Variants in BPTF observed in about 807,000 individuals in gnomAD.
BPTF encodes bromodomain PHD finger transcription factor.
BPTF carries 18 observed loss-of-function variants against 292.5 expected under a neutral mutation model. The observed-to-expected ratio is 0.06, with a 90% CI of 0.04 to 0.09. The LOEUF is 0.09. BPTF is among the 10% of genes least tolerant of loss of function. BPTF has a pLI of 1.00. For missense variants in BPTF, 2,726 were observed against 3,498.7 expected, an observed-to-expected ratio of 0.78 and a Z score of 5.57; for synonymous variants, 1,225 against 1,251.9, an observed-to-expected ratio of 0.98 and a Z score of 0.45.
chr17:67,830,240 C>T (rs570021571), intron 1 of BPTF, among the ~76,000 whole-genome samples: 1 of 152,322 alleles, frequency 6.6e-6, no homozygotes, highest in South Asian at 2.1e-4. Context: ...GTTGCAGTCT[C>T]AGTCTTGTGT....
chr17:67,977,310 T>C (rs1555694493), intron 27 of BPTF, among the ~76,000 whole-genome samples: 1 of 151,166 alleles, frequency 6.6e-6, no homozygotes, highest in African/African-American at 2.4e-5. Flanking sequence ...AGGTCAGCAG[T>C]TCAAGACCAT....
At chr17:67,876,825 AAAAG>A (rs951240533) in intron 4 of BPTF, among the ~76,000 whole-genome samples, 1 of 152,088 alleles carries the variant, frequency 6.6e-6, no homozygotes, top group Non-Finnish European at 1.5e-5. Flanking sequence ...AAAAAAGAGA[AAAAG>A]AAAATATATT....
At chr17:67,935,266 A>T (rs919598033) in intron 18 of BPTF, among the ~76,000 whole-genome samples, 1 of 152,030 alleles carries the variant, frequency 6.6e-6, no homozygotes, top group Admixed American at 6.6e-5. Flanking sequence ...TCTACAAAAA[A>T]TTTCTAAAAA....
chr17:67,975,602 G>T, intron 26 of BPTF, 170 bp from the exon 27 acceptor site: 1 of 533,404 alleles, frequency 1.9e-6, no homozygotes, highest in Non-Finnish European at 3.2e-6. Flanking sequence ...AACAAAATTG[G>T]AAAAGTACTC....
chr17:67,926,815 G>A (rs1017598607), intron 15 of BPTF, among the ~76,000 whole-genome samples: 3 of 151,770 alleles, frequency 2.0e-5, no homozygotes, highest in African/African-American at 7.3e-5. Flanking sequence ...ATAGCTCATT[G>A]CAACTTTGAA....
At chr17:67,977,859 C>A (rs1267455567) in intron 27 of BPTF, 1 of 140,706 alleles carries the variant, frequency 7.1e-6, no homozygotes, top group African/African-American at 2.6e-5. Flanking sequence ...AAAAAAGTAT[C>A]TTTTTTTTTT....
rs937519131 is a variant in BPTF, at chr17:67,894,269, A to G, written c.2543+104A>G. 7 of 1,225,130 alleles carry G rather than the reference A, an allele frequency of 5.7e-6. No individual in the cohort carries two copies. In the East Asian group the frequency reaches 1.4e-4, roughly 25 times the overall value. The allele number at this position is 1,225,130 out of a possible 1,614,324, so 75.9% of individuals were successfully genotyped here. On this transcript the variant is annotated intron_variant, in intron 7 of 27. Transcript: ENST00000306378. Reference sequence around the variant, plus strand: ...ATATATTTAAGAGGCCATATTGAAGACTTTACTTTTGGCCTCATTTTCTTC... The same window carrying G: ...ATATATTTAAGAGGCCATATTGAAGGCTTTACTTTTGGCCTCATTTTCTTC...
At chr17:67,830,503 C>T (rs190204186) in intron 1 of BPTF, among the ~76,000 whole-genome samples, 2 of 152,158 alleles carry the variant, frequency 1.3e-5, no homozygotes, top group African/African-American at 2.4e-5. Flanking sequence ...TTGCTGCATG[C>T]GAGGTACGCA....
intron 13 of BPTF, among the ~76,000 whole-genome samples, chr17:67,922,184 CT>C: frequency 1.3e-5 from 2 of 152,328 alleles, no homozygotes; most frequent in African/African-American, 4.8e-5. Flanking sequence ...AATCACTTCT[CT>C]TTGGCTTGTA....
At chr17:67,968,871 G>A (rs2068439513) in intron 26 of BPTF, among the ~76,000 whole-genome samples, 1 of 151,180 alleles carries the variant, frequency 6.6e-6, no homozygotes, top group Admixed American at 6.6e-5. Flanking sequence ...AATCCTAGCT[G>A]CTCGGGAGGC....
At position 67,866,489 on chromosome 17, in the gene BPTF, G is replaced by C; in HGVS notation, c.1462G>C (p.Glu488Gln). Residue 488 changes from glutamate (E) to glutamine (Q), a missense_variant, in exon 3 of 28, where the codon GAA (glutamate) becomes CAA (glutamine). Transcript: ENST00000306378. ...IIEEDTENEN[E>Q]KKIWYYSTKV... ...AGAAGAAGATACAGAAAATGAAAAT[G>C]AAAAGAAAATTTGGTATTACAGCAC... 1 of 1,612,436 alleles carries C rather than the reference G, an allele frequency of 6.2e-7. No homozygotes were observed. The highest frequency in any genetic ancestry group is 8.5e-7 in the Non-Finnish European group (1 of 1,178,564).
chr17:67,933,443 C>T (rs1055317054), intron 18 of BPTF, among the ~76,000 whole-genome samples: 2 of 151,656 alleles, frequency 1.3e-5, no homozygotes, highest in African/African-American at 2.4e-5. Flanking sequence ...CTGGAGCACG[C>T]CTGTAGTCCC....
At chr17:67,902,310 G>A (rs1354854976) in intron 7 of BPTF, among the ~76,000 whole-genome samples, 4 of 152,098 alleles carry the variant, frequency 2.6e-5, no homozygotes, top group Admixed American at 2.0e-4. Flanking sequence ...TGCCATGCTG[G>A]ACCTGGCCTT....
intron 4 of BPTF, among the ~76,000 whole-genome samples, chr17:67,891,197 A>G (rs2061085398): frequency 6.6e-6 from 1 of 152,220 alleles, no homozygotes; most frequent in Admixed American, 6.5e-5. Context: ...AAAGAAAAAA[A>G]AAATTCAGCC....
At chr17:67,867,084 C>G (rs779952355) in intron 3 of BPTF, among the ~76,000 whole-genome samples, 2 of 152,188 alleles carry the variant, frequency 1.3e-5, no homozygotes, top group Non-Finnish European at 2.9e-5. Context: ...TGGACCGAAA[C>G]ATTGTGCAGT....
intron 1 of BPTF, among the ~76,000 whole-genome samples, chr17:67,833,014 G>C (rs538334278): frequency 6.6e-6 from 1 of 150,376 alleles, no homozygotes; most frequent in Non-Finnish European, 1.5e-5. Flanking sequence ...GGCCAGGCCG[G>C]TCTCGAACTC....
chr17:67,927,746 T>C (rs2064036517), intron 15 of BPTF, among the ~76,000 whole-genome samples: 1 of 152,204 alleles, frequency 6.6e-6, no homozygotes, highest in Non-Finnish European at 1.5e-5. Flanking sequence ...AAACTTGTTA[T>C]AAAATTTTCT....
At chr17:67,922,353 C>G (rs182681877) in intron 13 of BPTF, among the ~76,000 whole-genome samples, 1 of 152,220 alleles carries the variant, frequency 6.6e-6, no homozygotes, top group Non-Finnish European at 1.5e-5. Context: ...TTTCACATCT[C>G]CACTTTATAT....
chr17:67,957,083 G>A (rs1555681453), intron 23 of BPTF: 1 of 152,078 alleles, frequency 6.6e-6, no homozygotes, highest in Non-Finnish European at 1.5e-5. Flanking sequence ...CGGAGTTCGA[G>A]ACCAGCCTGA....
Sources: allele counts gnomAD v4.1 joint callset (sites outside exome capture counted in the v4.1 genomes callset), GRCh38; gene constraint gnomAD v4.1.1; transcripts MANE v1.5; gene names NCBI Gene and HGNC (gene_info 2026-07-23, HGNC 2026-07-21).